The following FOXP1 variants were observed in gnomAD, a reference collection of about 807,000 sequenced individuals.
The protein encoded by FOXP1 is forkhead box P1.
In FOXP1, 15 loss-of-function variants were observed where a neutral mutation model predicts 98.2. The ratio of observed to expected loss-of-function variants is 0.15; its 90% CI spans 0.10 to 0.24. The LOEUF is 0.24. Ranked by LOEUF, FOXP1 falls within the 10% of genes least tolerant of loss-of-function variation. The pLI is 1.00. For synonymous variants in FOXP1, 371 were observed against 314.5 expected (o/e 1.18, Z -1.90); for missense variants, 633 against 848.5 (o/e 0.75, Z 3.15).
chr3:71,032,401 T>C (rs938474852), intron 11 of FOXP1, among the ~76,000 whole-genome samples: 2 of 152,222 alleles, frequency 1.3e-5, no homozygotes, highest in African/African-American at 4.8e-5. Flanking sequence ...CGAAATAGTT[T>C]CCCAAAGGAA....
intron 7 of FOXP1, among the ~76,000 whole-genome samples, chr3:71,107,404 T>C (rs535320278): frequency 2.6e-5 from 4 of 152,298 alleles, no homozygotes; most frequent in African/African-American, 7.2e-5. Flanking sequence ...ATATTTGTAA[T>C]GGTGCATGTA....
intron 2 of FOXP1, among the ~76,000 whole-genome samples, chr3:71,496,492 T>G (rs376133166): frequency 6.6e-6 from 1 of 151,916 alleles, no homozygotes; most frequent in Non-Finnish European, 1.5e-5. Context: ...CTGGAGTGAG[T>G]AGCAGCTTTC....
chr3:71,365,433 AG>A (rs2078849597), intron 3 of FOXP1, among the ~76,000 whole-genome samples: 1 of 150,836 alleles, frequency 6.6e-6, no homozygotes, highest in Non-Finnish European at 1.5e-5. Flanking sequence ...CAAAAATCCA[AG>A]GAATACTTGC....
At chr3:71,154,612 C>T (rs1207686106) in intron 6 of FOXP1, among the ~76,000 whole-genome samples, 1 of 152,190 alleles carries the variant, frequency 6.6e-6, no homozygotes, top group Non-Finnish European at 1.5e-5. Context: ...GCAAAGAACA[C>T]GGCTCTAGAG....
At chr3:71,184,422 G>T (rs115959544) in intron 6 of FOXP1, among the ~76,000 whole-genome samples, 1 of 152,164 alleles carries the variant, frequency 6.6e-6, no homozygotes, top group Non-Finnish European at 1.5e-5. Flanking sequence ...GGTTTATAGG[G>T]TTCTGTAGTT....
intron 6 of FOXP1, among the ~76,000 whole-genome samples, chr3:71,113,769 TA>T (rs1300648876): frequency 3.5e-5 from 1 of 28,678 alleles, no homozygotes; most frequent in Non-Finnish European, 9.7e-5. Context: ...AAAGGTCAAG[TA>T]AAAAAAGAAA....
intron 2 of FOXP1, among the ~76,000 whole-genome samples, chr3:71,501,564 T>C (rs534320377): frequency 7.9e-5 from 12 of 152,326 alleles, no homozygotes; most frequent in African/African-American, 2.9e-4. Context: ...ATTGCTGGGA[T>C]TATAGGCGTG....
At chr3:71,287,332 G>A (rs1040558557) in intron 5 of FOXP1, among the ~76,000 whole-genome samples, 8 of 151,792 alleles carry the variant, frequency 5.3e-5, no homozygotes, top group South Asian at 2.1e-4. Context: ...TCAGCCAGGC[G>A]TGGTGGCATG....
chr3:71,398,260 C>A (rs1365438818), intron 3 of FOXP1, among the ~76,000 whole-genome samples: 1 of 152,168 alleles, frequency 6.6e-6, no homozygotes, highest in Non-Finnish European at 1.5e-5. Context: ...GTCAACAGTG[C>A]TTAAGTAATA....
intron 6 of FOXP1, among the ~76,000 whole-genome samples, chr3:71,166,790 CAA>C (rs999257625): frequency 1.3e-5 from 2 of 151,974 alleles, no homozygotes; most frequent in African/African-American, 4.8e-5. Flanking sequence ...CTTAAAAAAA[CAA>C]AAAGCAAAAA....
At chr3:71,359,814 C>G (rs2078426198) in intron 3 of FOXP1, among the ~76,000 whole-genome samples, 3 of 152,142 alleles carry the variant, frequency 2.0e-5, no homozygotes, top group Admixed American at 1.3e-4. Context: ...TTTCCAGACA[C>G]AGTCTTCTTC....
chr3:71,095,913 G>A (rs1469368102), intron 7 of FOXP1, among the ~76,000 whole-genome samples: 1 of 152,232 alleles, frequency 6.6e-6, no homozygotes, highest in Non-Finnish European at 1.5e-5. Context: ...TCTCAAGGTA[G>A]ACCTTCAATA....
chr3:71,156,744 A>T (rs1454739118), intron 6 of FOXP1, among the ~76,000 whole-genome samples: 1 of 152,240 alleles, frequency 6.6e-6, no homozygotes, highest in Non-Finnish European at 1.5e-5. Context: ...CTAGTTGGAC[A>T]TCTAGAATTT....
intron 3 of FOXP1, among the ~76,000 whole-genome samples, chr3:71,372,441 G>A (rs891373778): frequency 7.2e-5 from 11 of 152,070 alleles, no homozygotes; most frequent in Admixed American, 5.9e-4. Context: ...CCCATTCCAC[G>A]CAGATATCTT....
intron 3 of FOXP1, among the ~76,000 whole-genome samples, chr3:71,470,444 A>G (rs2089222100): frequency 6.6e-6 from 1 of 152,196 alleles, no homozygotes; most frequent in Non-Finnish European, 1.5e-5. Flanking sequence ...GCTTTCCTTA[A>G]AAAACAACGT....
chr3:71,104,014 G>C (rs1164991265), intron 7 of FOXP1, among the ~76,000 whole-genome samples: 1 of 152,072 alleles, frequency 6.6e-6, no homozygotes, highest in African/African-American at 2.4e-5. Context: ...CACTATTTTG[G>C]TTCTGAGATT....
At chr3:71,024,542 C>A (rs959844842) in intron 11 of FOXP1, among the ~76,000 whole-genome samples, 1 of 152,194 alleles carries the variant, frequency 6.6e-6, no homozygotes, top group African/African-American at 2.4e-5. Context: ...AACAAACACA[C>A]ATGCTTCTCC....
At chr3:71,072,129 T>C (rs1031342256) in intron 7 of FOXP1, among the ~76,000 whole-genome samples, 1 of 152,038 alleles carries the variant, frequency 6.6e-6, no homozygotes, top group African/African-American at 2.4e-5. Context: ...CAAGACCAGC[T>C]AGGGCAATGT....
chr3:71,068,250 C>G (rs1224600092), intron 7 of FOXP1, among the ~76,000 whole-genome samples: 1 of 152,178 alleles, frequency 6.6e-6, no homozygotes, highest in African/African-American at 2.4e-5. Context: ...TGATCCCACA[C>G]CAAACTCTAA....
Sources: allele counts gnomAD v4.1 joint callset (sites outside exome capture counted in the v4.1 genomes callset), GRCh38; gene constraint gnomAD v4.1.1; transcripts MANE v1.5; gene names NCBI Gene and HGNC (gene_info 2026-07-23, HGNC 2026-07-21).